The following SH3RF1 variants were observed in gnomAD, a reference collection of about 807,000 sequenced individuals.
The protein encoded by SH3RF1 is SH3 domain containing ring finger 1, also known as E3 ubiquitin-protein ligase SH3RF1.
A neutral mutation model predicts 74.0 loss-of-function variants in SH3RF1; 32 were observed. The ratio of observed to expected loss-of-function variants is 0.43; its 90% CI spans 0.33 to 0.58. SH3RF1 has a LOEUF of 0.58. Among genes scored for constraint, SH3RF1 ranks in the 20% least tolerant of loss-of-function variants. SH3RF1 has a pLI of 0.05. For missense variants in SH3RF1, 954 were observed against 1,130.9 expected (o/e 0.84, Z 2.24); for synonymous variants, 396 against 439.6 (o/e 0.90, Z 1.24).
At chr4:169,158,165 T>C (rs1467523312) in intron 2 of SH3RF1, among the ~76,000 whole-genome samples, 1 of 152,226 alleles carries the variant, frequency 6.6e-6, no homozygotes, top group Non-Finnish European at 1.5e-5. Context: ...GATAAAGATA[T>C]GCACACCATT....
At chr4:169,226,136 AGTTT>A (rs1256306024) in intron 2 of SH3RF1, among the ~76,000 whole-genome samples, 1 of 152,188 alleles carries the variant, frequency 6.6e-6, no homozygotes, top group Non-Finnish European at 1.5e-5. Flanking sequence ...TGTGACTCAT[AGTTT>A]GTCTCTTTTG....
chr4:169,117,611 A>G lies in SH3RF1; in HGVS notation c.1689T>C (p.Ala563=). 1 of 1,614,190 alleles carries G rather than the reference A, an allele frequency of 6.2e-7. No homozygotes were observed. Among genetic ancestry groups the G allele is most frequent in the Admixed American group, 1.7e-5 (1 of 60,016 alleles). The change falls in exon 9 of 12, where the codon GCT becomes GCC. Residue 563 remains alanine, a synonymous_variant. Transcript: ENST00000284637. ...SVVPAAVVSA[A]HIQTSPQAKV... ...TAGCCTGAGGACTTGTCTGGATGTGAGCTGCTGATACCACAGCTGCGGGGA... is the reference window on the plus strand; with the variant it reads ...TAGCCTGAGGACTTGTCTGGATGTGGGCTGCTGATACCACAGCTGCGGGGA...
At chr4:169,235,641 C>T (rs906841631) in intron 2 of SH3RF1, among the ~76,000 whole-genome samples, 21 of 152,126 alleles carry the variant, frequency 1.4e-4, no homozygotes, top group African/African-American at 4.6e-4. Context: ...CCATATTAAT[C>T]ATTACATCAG....
intron 2 of SH3RF1, among the ~76,000 whole-genome samples, chr4:169,188,625 A>G (rs552420573): frequency 6.6e-6 from 1 of 152,340 alleles, no homozygotes; most frequent in South Asian, 2.1e-4. Context: ...TTCACTGAAA[A>G]TCTGACAGGA....
At chr4:169,236,299 T>C (rs537832254) in intron 2 of SH3RF1, among the ~76,000 whole-genome samples, 1 of 152,350 alleles carries the variant, frequency 6.6e-6, no homozygotes, top group African/African-American at 2.4e-5. Flanking sequence ...AGAACTCGAC[T>C]TGCCAATTCC....
chr4:169,096,479 T>A lies in SH3RF1; in HGVS notation c.*40A>T. ...TGTTAAACTGCTTTGTGCTACTTTG[T>A]TGTGTGAAGTGATTTTAAGCTTCTT... On this transcript the variant is annotated 3_prime_UTR_variant, in exon 12 of 12. Transcript: ENST00000284637. 1 of 1,598,270 alleles carries A rather than the reference T, an allele frequency of 6.3e-7. No individual in the cohort carries two copies. The highest frequency in any genetic ancestry group is 8.5e-7 in the Non-Finnish European group (1 of 1,172,372).
intron 8 of SH3RF1, among the ~76,000 whole-genome samples, chr4:169,119,532 G>C (rs142640738): frequency 9.9e-4 from 151 of 151,824 alleles, no homozygotes; most frequent in Non-Finnish European, 1.8e-3. Flanking sequence ...TTTGTTCTTT[G>C]TTGCATTTCT....
intron 2 of SH3RF1, among the ~76,000 whole-genome samples, chr4:169,185,876 T>C (rs1734594412): frequency 6.6e-6 from 1 of 152,122 alleles, no homozygotes; most frequent in South Asian, 2.1e-4. Context: ...CACAGCGTAA[T>C]CAAGAATCAA....
At chr4:169,190,283 G>C (rs867857212) in intron 2 of SH3RF1, among the ~76,000 whole-genome samples, 2 of 152,112 alleles carry the variant, frequency 1.3e-5, no homozygotes, top group African/African-American at 4.8e-5. Flanking sequence ...GAAACAAAAA[G>C]CTGGTTCTTT....
At chr4:169,124,708 G>A (rs6553419) in intron 6 of SH3RF1, among the ~76,000 whole-genome samples, 70,872 of 152,104 alleles carry the variant, frequency 0.47, 19,163 homozygotes, top group African/African-American at 0.77. Context: ...TGGGGTTGGT[G>A]AAATGATAGG....
chr4:169,201,001 T>G (rs1248512554), intron 2 of SH3RF1, among the ~76,000 whole-genome samples: 1 of 152,134 alleles, frequency 6.6e-6, no homozygotes, highest in Non-Finnish European at 1.5e-5. Flanking sequence ...GTCAGTTAAA[T>G]AAATTTTAAA....
chr4:169,161,323 T>C (rs1366878266), intron 2 of SH3RF1, among the ~76,000 whole-genome samples: 2 of 152,248 alleles, frequency 1.3e-5, no homozygotes, highest in African/African-American at 2.4e-5. Flanking sequence ...ATAAGTATGA[T>C]AGTGGGCCAG....
intron 4 of SH3RF1, among the ~76,000 whole-genome samples, chr4:169,143,433 G>T (rs1461233961): frequency 6.6e-6 from 1 of 152,140 alleles, no homozygotes; most frequent in Non-Finnish European, 1.5e-5. Context: ...GCTCAACAGC[G>T]ACATGTGCAT....
At chr4:169,127,755 G>C (rs1733551193) in intron 6 of SH3RF1, among the ~76,000 whole-genome samples, 2 of 152,140 alleles carry the variant, frequency 1.3e-5, no homozygotes, top group Admixed American at 1.3e-4. Context: ...ATTTGCCTCA[G>C]AGTGAGCCTC....
chr4:169,182,374 C>A (rs1330171259), intron 2 of SH3RF1, among the ~76,000 whole-genome samples: 4 of 152,180 alleles, frequency 2.6e-5, no homozygotes, highest in African/African-American at 9.7e-5. Flanking sequence ...GAGTGTAATA[C>A]AATTCATGTG....
At chr4:169,260,885 T>G (rs1294200877) in intron 2 of SH3RF1, among the ~76,000 whole-genome samples, 1 of 152,178 alleles carries the variant, frequency 6.6e-6, no homozygotes, top group Non-Finnish European at 1.5e-5. Flanking sequence ...TTTATAATCT[T>G]TTCGGTATCT....
chr4:169,124,264 G>A (rs1009952899), intron 6 of SH3RF1, among the ~76,000 whole-genome samples: 2 of 152,104 alleles, frequency 1.3e-5, no homozygotes, highest in Non-Finnish European at 2.9e-5. Flanking sequence ...ATCTATTATA[G>A]CTTAACTTTA....
chr4:169,212,057 C>CTTTTTT lies in SH3RF1; in HGVS notation c.394-55384_394-55379dup, dbSNP rs34108534. On this transcript the variant is annotated intron_variant, in intron 2 of 11. Transcript: ENST00000284637. ...TTCTAATTTTTTTTTCTTTTCTTTT[C>CTTTTTT]TTTTTTTTTTTTTTTTTTTTTTTTG... Among the ~76,000 whole-genome samples, 441 of 48,254 alleles carry CTTTTTT rather than the reference C, an allele frequency of 9.1e-3. 1 individual carries two copies. Among genetic ancestry groups the CTTTTTT allele is most frequent in the African/African-American group, 0.018 (195 of 10,896 alleles). The allele number at this position is 48,254 out of a possible 152,430, so 31.7% of individuals were successfully genotyped here.
At chr4:169,171,288 T>A (rs1561043572) in intron 2 of SH3RF1, among the ~76,000 whole-genome samples, 1 of 152,138 alleles carries the variant, frequency 6.6e-6, no homozygotes, top group Non-Finnish European at 1.5e-5. Flanking sequence ...AGCACCAGAG[T>A]TGCTCTGAAC....
Sources: gnomAD v4.1 joint callset for allele counts (sites outside exome capture counted in the v4.1 genomes callset) on GRCh38, gnomAD v4.1.1 for gene constraint, MANE v1.5 for transcripts, NCBI Gene and HGNC (gene_info 2026-07-23, HGNC 2026-07-21) for gene names.